BCAN: variants seen among roughly 807,000 people sequenced by gnomAD.
BCAN encodes brevican.
Under a neutral mutation model 92.4 loss-of-function variants are expected in BCAN, and 51 were observed. That is an observed-to-expected ratio of 0.55 (90% confidence interval 0.44 to 0.70). The LOEUF (loss-of-function observed/expected upper bound fraction) is 0.70, where lower values mean the gene tolerates loss of function less well. BCAN is among the 30% of genes least tolerant of loss of function. BCAN has a pLI of 0.00. For missense variants in BCAN, 1,140 were observed against 1,212.1 expected, an observed-to-expected ratio of 0.94 and a Z score of 0.88; for synonymous variants, 501 against 505.2, an observed-to-expected ratio of 0.99 and a Z score of 0.11.
chr1:156,649,931 C>T (rs996749348), intron 6 of BCAN: 2 of 518,826 alleles, frequency 3.9e-6, no homozygotes, highest in African/African-American at 3.9e-5. Flanking sequence ...AGGATGAAGA[C>T]ACAGCTTTTG....
At chr1:156,650,453 T>C (rs1679123438) in intron 6 of BCAN, among the ~76,000 whole-genome samples, 1 of 152,226 alleles carries the variant, frequency 6.6e-6, no homozygotes, top group Non-Finnish European at 1.5e-5. Flanking sequence ...TTCATTGGTT[T>C]TCTGCTCTTG....
Position 156,657,087 on chromosome 1 carries a change from TTCA to T in BCAN, c.2204_2206del (p.Ile735del), listed in dbSNP as rs777962867. 1 of 1,612,686 alleles carries T rather than the reference TTCA, an allele frequency of 6.2e-7. No homozygotes were observed. Among genetic ancestry groups the T allele is most frequent in the East Asian group, 2.2e-5 (1 of 44,810 alleles). On this transcript the variant is annotated inframe_deletion, in exon 10 of 14. Transcript: ENST00000329117. ...CATCAGCACACCCGAGGAACAGGAC[TTCA>T]TCAACAGTGGGCTGGGAGACAGGGC...
Position 156,656,281 on chromosome 1 carries a change from G to A in BCAN, c.1943-1G>A, listed in dbSNP as rs771706972. ...CCGCCTCACTTCTTTCCCCCTCTCA[G>A]GTGACTGTGTCCCCAGCCCCTGCCA... On this transcript the variant is annotated splice_acceptor_variant, in intron 8 of 13. Transcript: ENST00000329117. LOFTEE classifies it high-confidence loss of function. The A allele has an allele frequency of 6.8e-7, 1 of 1,472,320 alleles. No homozygotes were observed. Among genetic ancestry groups the A allele is most frequent in the Non-Finnish European group, 8.9e-7 (1 of 1,122,080 alleles). The allele number at this position is 1,472,320 out of a possible 1,614,324, so 91.2% of individuals were successfully genotyped here. A position where few individuals can be genotyped will look rare whatever the true frequency, so the allele number is the denominator to read the frequency against.
chr1:156,649,303 C>T (rs1392151922), intron 6 of BCAN, among the ~76,000 whole-genome samples: 1 of 152,242 alleles, frequency 6.6e-6, no homozygotes, highest in Non-Finnish European at 1.5e-5. Flanking sequence ...GGTGTCAGAT[C>T]TTTAACTACC....
chr1:156,647,919 A>G lies in BCAN; in HGVS notation c.642-64A>G, dbSNP rs1443008159. The stretch of plus-strand genomic sequence containing the variant: ...TGTGGTGGCAGTGGGGTTCAATAGA[A>G]TCAATATGGGCTGGCTCCCTGGTGA... On this transcript the variant is annotated intron_variant, in intron 4 of 13. Transcript: ENST00000329117. The surrounding 1 kb of genome is among the most constrained non-coding windows in gnomAD (Gnocchi z 4.8). 4 of 1,605,634 alleles carry G rather than the reference A, an allele frequency of 2.5e-6. No individual in the cohort carries two copies. Among genetic ancestry groups the G allele is most frequent in the Non-Finnish European group, 3.4e-6 (4 of 1,172,876 alleles).
chr1:156,646,261 G>A (rs1678960429), intron 2 of BCAN, 116 bp downstream of exon 2: 2 of 956,812 alleles, frequency 2.1e-6, no homozygotes, highest in South Asian at 3.3e-5. Context: ...AAGCGTCCAG[G>A]CTGGAACACT....
chr1:156,652,601 C>T lies in BCAN; in HGVS notation c.1651C>T (p.Leu551=), dbSNP rs769007410. The T allele has an allele frequency of 2.5e-6, 4 of 1,614,036 alleles. No individual in the cohort carries two copies. Among genetic ancestry groups the T allele is most frequent in the South Asian group, 1.1e-5 (1 of 91,086 alleles). ...TCTGCCCACTCCCAGGGAGAGGAAC[C>T]TAGCATCCCCATCACCTTCCACTCT... ...ETLPTPRERN[L]ASPSPSTLVE... Residue 551 remains leucine (L), a synonymous_variant, in exon 8 of 14, where the codon CTA becomes TTA. Transcript: ENST00000329117.
intron 2 of BCAN, chr1:156,646,568 G>T (rs1416894554): frequency 1.6e-6 from 1 of 640,432 alleles, no homozygotes; most frequent in Admixed American, 3.5e-5. Context: ...AATCCTGGGG[G>T]CTGAATTGAC....
Position 156,647,513 on chromosome 1 carries a change from G to A in BCAN, c.472G>A (p.Val158Ile), listed in dbSNP as rs780148527. 4.1e-5 allele frequency: 64 copies of A among 1,560,884 alleles called. No homozygotes were observed. The highest frequency in any genetic ancestry group is 3.2e-4 in the African/African-American group (23 of 72,926). Residue 158 changes from valine (V) to isoleucine (I), a missense_variant, in exon 4 of 14, where the codon GTC (valine) becomes ATC (isoleucine). Physicochemically the swap from Val to Ile is conservative, Grantham distance 29. Coordinates refer to ENST00000329117, the MANE Select transcript of BCAN (RefSeq NM_021948.5). This position sits in a 1 kb window ranked among gnomAD's most constrained non-coding sequence, Gnocchi z 4.8. Reference sequence around the variant, plus strand: ...GGGTCCTCTCTGCCCCACAGGGGTCGTCTTTCTCTACCGAGAGGGCTCTGC... The same window carrying A: ...GGGTCCTCTCTGCCCCACAGGGGTCATCTTTCTCTACCGAGAGGGCTCTGC... ...DAVEVKVKGV[V>I]FLYREGSARY...
chr1:156,653,062 T>C (rs373317767), intron 8 of BCAN, 170 bp downstream of exon 8: 3 of 1,488,202 alleles, frequency 2.0e-6, no homozygotes, highest in African/African-American at 2.8e-5. Context: ...ATCTCGGATA[T>C]CCACCTTGTG....
chr1:156,656,166 A>G, intron 8 of BCAN, 116 bp from the exon 9 acceptor site: 1 of 599,748 alleles, frequency 1.7e-6, no homozygotes, highest in Admixed American at 3.8e-5. Context: ...GTGCTGTTAT[A>G]GCTTCCAGGA....
chr1:156,648,509 G>A, intron 5 of BCAN, 59 bp from the exon 6 acceptor site: 1 of 1,509,952 alleles, frequency 6.6e-7, no homozygotes, highest in Non-Finnish European at 9.0e-7. Flanking sequence ...TCCCATGGGA[G>A]ACCAGAGTGG....
intron 11 of BCAN, 151 bp downstream of exon 11, chr1:156,657,908 T>G: frequency 1.2e-6 from 1 of 820,400 alleles, no homozygotes; most frequent in Non-Finnish European, 1.9e-6. Context: ...TGGGCTCTCC[T>G]CCCTTCGTTG....
chr1:156,652,024 C>T (rs188259488), intron 7 of BCAN, among the ~76,000 whole-genome samples: 2 of 152,158 alleles, frequency 1.3e-5, no homozygotes, highest in South Asian at 2.1e-4. Context: ...CCATGTTCTC[C>T]GGGGCTAATG....
chr1:156,657,172 C>T (rs1271967408), intron 10 of BCAN, 76 bp downstream of exon 10: 11 of 1,549,112 alleles, frequency 7.1e-6, no homozygotes, highest in Non-Finnish European at 9.7e-6. Flanking sequence ...CCGCCTTCCT[C>T]ATTAACCCAT....
Position 156,648,007 on chromosome 1 carries a change from G to A in BCAN, c.666G>A (p.Glu222=), listed in dbSNP as rs201024266. The A allele has an allele frequency of 3.3e-5, 53 of 1,614,030 alleles. No individual in the cohort carries two copies. The highest frequency in any genetic ancestry group is 1.6e-4 in the Middle Eastern group (1 of 6,062). ...TVRYPIQTPR[E]ACYGDMDGFP... ...GGTATCCCATCCAGACCCCACGAGA[G>A]GCCTGTTACGGAGACATGGATGGCT... Residue 222 remains glutamate (E), a synonymous_variant, in exon 5 of 14, where the codon GAG becomes GAA. Transcript: ENST00000329117.
In BCAN at chr1:156,648,805, C is replaced by G. The variant is rs1679068444; in HGVS notation, c.1007C>G (p.Pro336Arg). ...LPGVKTLFLF[P>R]NQTGFPNKHS... ...GGTGTCAAGACTCTCTTCCTCTTCC[C>G]CAACCAGACTGGCTTCCCCAATAAG... Residue 336 changes from proline to arginine, a missense_variant, in exon 6 of 14, where the codon CCC becomes CGC. This residue lies in a region of BCAN where 825 missense variants were observed against 871.8 expected (regional missense o/e 0.95). Transcript: ENST00000329117. 6.3e-7 allele frequency: 1 copy of G among 1,595,230 alleles called. No individual in the cohort carries two copies. Among genetic ancestry groups the G allele is most frequent in the South Asian group, 1.1e-5 (1 of 90,374 alleles).
intron 2 of BCAN, chr1:156,646,583 A>G (rs1003318724): frequency 1.0e-5 from 7 of 694,666 alleles, no homozygotes; most frequent in Non-Finnish European, 1.6e-5. Context: ...ATTGACTGGG[A>G]GACTTTGGGG....
In BCAN at chr1:156,646,828, C is replaced by A. The variant is rs1678991900; in HGVS notation, c.119C>A (p.Ala40Glu). 1 of 1,577,324 alleles carries A rather than the reference C, an allele frequency of 6.3e-7. No individual in the cohort carries two copies. The highest frequency in any genetic ancestry group is 8.6e-7 in the Non-Finnish European group (1 of 1,163,350). Residue 40 changes from alanine (A) to glutamate (E), a missense_variant, in exon 3 of 14, where the codon GCG (alanine) becomes GAG (glutamate). Physicochemically the swap from Ala to Glu is moderately radical, Grantham distance 107. This residue lies in a region of BCAN where 286 missense variants were observed against 284.1 expected (regional missense o/e 1.01). Coordinates refer to ENST00000329117, the MANE Select transcript of BCAN (RefSeq NM_021948.5). ...SEDRAFRVRI[A>E]GDAPLQGVLG... is the part of the protein sequence containing the mutation. The stretch of plus-strand genomic sequence containing the variant: ...GACCGCGCTTTTCGCGTGCGCATCG[C>A]GGGCGACGCGCCACTGCAGGGCGTG...
Sources: gnomAD v4.1 joint callset for allele counts (sites outside exome capture counted in the v4.1 genomes callset) on GRCh38, gnomAD v4.1.1 for gene constraint, gnomAD v4.1.1 regional missense constraint, Gnocchi (gnomAD v3.1) non-coding constraint, MANE v1.5 for transcripts, NCBI Gene and HGNC (gene_info 2026-07-23, HGNC 2026-07-21) for gene names.